KBTBD8: variants seen among roughly 807,000 people sequenced by gnomAD.
KBTBD8 encodes the protein kelch repeat and BTB domain-containing protein 8.
In KBTBD8, 31 loss-of-function variants were observed where a neutral mutation model predicts 53.5. The observed-to-expected ratio is 0.58, with a 90% confidence interval of 0.44 to 0.78. The LOEUF is 0.78. Ranked by LOEUF, KBTBD8 falls within the 30% of genes least tolerant of loss-of-function variation. KBTBD8 has a pLI of 0.00. For missense variants in KBTBD8, 642 were observed against 735.8 expected (o/e 0.87, Z 1.48); for synonymous variants, 250 against 247.3 (o/e 1.01, Z -0.10).
intron 3 of KBTBD8, among the ~76,000 whole-genome samples, chr3:67,006,713 G>A (rs542732566): frequency 3.0e-4 from 45 of 152,288 alleles, no homozygotes; most frequent in African/African-American, 1.0e-3. Flanking sequence ...CAGTTTTCAA[G>A]GGGAAGCTCA....
In KBTBD8 at chr3:67,008,424, C is replaced by A; in HGVS notation, c.*39C>A. On this transcript the variant is annotated 3_prime_UTR_variant, in exon 4 of 4. Transcript: ENST00000417314. ...CTTAGTGCATCACTGGCATCTCATTCTTAGGAAACTTGTCTTTGATACAAA... is the reference window on the plus strand; with the variant it reads ...CTTAGTGCATCACTGGCATCTCATTATTAGGAAACTTGTCTTTGATACAAA... The A allele has an allele frequency of 7.3e-7, 1 of 1,364,846 alleles. No homozygotes were observed. The highest frequency in any genetic ancestry group is 1.0e-6 in the Non-Finnish European group (1 of 985,232). The allele number at this position is 1,364,846 out of a possible 1,614,324, so 84.5% of individuals were successfully genotyped here. A position where few individuals can be genotyped will look rare whatever the true frequency, so the allele number is the denominator to read the frequency against.
rs545269658 is a variant in KBTBD8 at position 67,009,441 on chromosome 3, C to T, written c.*1056C>T. On this transcript the variant is annotated 3_prime_UTR_variant, in exon 4 of 4. Coordinates refer to ENST00000417314, the MANE Select transcript of KBTBD8 (RefSeq NM_032505.3). ...ACAGAGCATAATGTGAAGTTTTATA[C>T]CTACTTTTAAAATTCTGCTTTCCAG... 9.8e-5 allele frequency: 15 copies of T among 152,666 alleles called. No homozygotes were observed. Among genetic ancestry groups the T allele is most frequent in the African/African-American group, 3.6e-4 (15 of 41,556 alleles). The allele number at this position is 152,666 out of a possible 1,614,324, so 9.5% of individuals were successfully genotyped here. A position where few individuals can be genotyped will look rare whatever the true frequency, so the allele number is the denominator to read the frequency against.
Position 67,003,748 on chromosome 3 carries a change from A to G in KBTBD8, c.781A>G (p.Ile261Val), listed in dbSNP as rs1702038691. The change falls in exon 3 of 4, where the codon ATA becomes GTA. Residue 261 changes from isoleucine to valine, a missense_variant. Transcript: ENST00000417314. Reference protein sequence around the residue: ...EKIPPQFAQAIAKSCVEKGPS... With the variant: ...EKIPPQFAQAVAKSCVEKGPS... ...AATTCCACCTCAGTTTGCACAGGCTATAGCCAAAAGCTGTGTAGAAAAGGG... is the reference window on the plus strand; with the variant it reads ...AATTCCACCTCAGTTTGCACAGGCTGTAGCCAAAAGCTGTGTAGAAAAGGG... The G allele has an allele frequency of 3.1e-6, 5 of 1,614,068 alleles. No homozygotes were observed. The highest frequency in any genetic ancestry group is 1.7e-5 in the Admixed American group (1 of 60,010).
At position 67,008,280 on chromosome 3, in the gene KBTBD8, G is replaced by C; in HGVS notation, c.1701G>C (p.Gln567His). Residue 567 changes from glutamine (Q) to histidine (H), a missense_variant, in exon 4 of 4, where the codon CAG (glutamine) becomes CAC (histidine). Gln to His is a conservative substitution (Grantham distance 24). Coordinates refer to ENST00000417314, the MANE Select transcript of KBTBD8 (RefSeq NM_032505.3). ...SLYQYDDIAD[Q>H]WMKVYETPDR... ...ACCAATATGATGACATTGCTGACCA[G>C]TGGATGAAAGTGTATGAGACCCCAG... 1.2e-6 allele frequency: 2 copies of C among 1,613,860 alleles called. No individual in the cohort carries two copies. The highest frequency in any genetic ancestry group is 1.7e-6 in the Non-Finnish European group (2 of 1,180,020).
chr3:66,998,362 G>A lies in KBTBD8; in HGVS notation c.7G>A (p.Ala3Thr). The A allele has an allele frequency of 7.7e-7, 1 of 1,292,644 alleles. No individual in the cohort carries two copies. Among genetic ancestry groups the A allele is most frequent in the Non-Finnish European group, 9.9e-7 (1 of 1,011,378 alleles). 80.1% of individuals were successfully genotyped at this position (1,292,644 alleles called of 1,614,324 possible). A position where few individuals can be genotyped will look rare whatever the true frequency, so the allele number is the denominator to read the frequency against. The stretch of plus-strand genomic sequence containing the variant: ...GTCGGGGCCCCATCGAGAAATGGCC[G>A]CGTCGGCAGGTGGGTCGTGTGGTGG... MA[A>T]SADLSKSSPT... The change falls in exon 1 of 4, where the codon GCG (alanine) becomes ACG (threonine). Residue 3 changes from alanine (A) to threonine (T), a missense_variant. Ala to Thr is a moderately conservative substitution (Grantham distance 58). Coordinates refer to ENST00000417314, the MANE Select transcript of KBTBD8 (RefSeq NM_032505.3).
At chr3:66,999,342 T>G in intron 2 of KBTBD8, 151 bp downstream of exon 2, 1 of 701,762 alleles carries the variant, frequency 1.4e-6, no homozygotes, top group Non-Finnish European at 2.5e-6. Flanking sequence ...CTCTCTTAAC[T>G]AAGACCTTCT....
intron 2 of KBTBD8, among the ~76,000 whole-genome samples, 154 bp downstream of exon 2, chr3:66,999,345 G>C (rs1245448855): frequency 6.6e-6 from 1 of 152,062 alleles, no homozygotes; most frequent in African/African-American, 2.4e-5. Context: ...TCTTAACTAA[G>C]ACCTTCTTTT....
At position 67,003,210 on chromosome 3, in the gene KBTBD8, C is replaced by T. The variant is rs377167451; in HGVS notation, c.243C>T (p.Ser81=). 2.0e-5 allele frequency: 32 copies of T among 1,612,346 alleles called. No homozygotes were observed. The highest frequency in any genetic ancestry group is 3.3e-4 in the Middle Eastern group (2 of 6,078). The change falls in exon 3 of 4, where the codon AGC becomes AGT. Residue 81 remains serine (S), a synonymous_variant. Transcript: ENST00000417314. Reference sequence around the variant, plus strand: ...TCCTTCTTAGATCCATGTTCACTAGCGGCCTTACAGAAAGTACTCAAAAAG... The same window carrying T: ...TCCTTCTTAGATCCATGTTCACTAGTGGCCTTACAGAAAGTACTCAAAAAG... The part of the protein sequence containing the change: ...ISPYFRSMFT[S]GLTESTQKEV...
Position 66,998,817 on chromosome 3 carries a change from G to C in KBTBD8, c.17-164G>C, listed in dbSNP as rs114644902. 189 of 636,822 alleles carry C rather than the reference G, an allele frequency of 3.0e-4. 1 individual carries two copies. Among genetic ancestry groups the C allele is most frequent in the African/African-American group, 2.7e-3 (147 of 54,840 alleles). 39.4% of individuals were successfully genotyped at this position (636,822 alleles called of 1,614,324 possible). A position where few individuals can be genotyped will look rare whatever the true frequency, so the allele number is the denominator to read the frequency against. Reference sequence around the variant, plus strand: ...ATCGCGCTCCGCCCTCTGTCTCCCAGATCCTTAACTCGCGGTCCCACGAGG... The same window carrying C: ...ATCGCGCTCCGCCCTCTGTCTCCCACATCCTTAACTCGCGGTCCCACGAGG... On this transcript the variant is annotated intron_variant, in intron 1 of 3. Transcript: ENST00000417314.
chr3:67,003,782 A>T lies in KBTBD8; in HGVS notation c.815A>T (p.Asn272Ile). 1 of 1,614,238 alleles carries T rather than the reference A, an allele frequency of 6.2e-7. No individual in the cohort carries two copies. The highest frequency in any genetic ancestry group is 8.5e-7 in the Non-Finnish European group (1 of 1,180,040). Reference sequence around the variant, plus strand: ...AGCTGTGTAGAAAAGGGACCATCCAACACCAATGGCTGTACACAGAGGCTT... The same window carrying T: ...AGCTGTGTAGAAAAGGGACCATCCATCACCAATGGCTGTACACAGAGGCTT... ...AKSCVEKGPS[N>I]TNGCTQRLGM... The change falls in exon 3 of 4, where the codon AAC becomes ATC. Residue 272 changes from asparagine to isoleucine, a missense_variant. Coordinates refer to ENST00000417314, the MANE Select transcript of KBTBD8 (RefSeq NM_032505.3).
rs1206915551 is a variant in KBTBD8, at chr3:67,009,553, T to A, written c.*1168T>A. The A allele has an allele frequency of 6.6e-6, 1 of 152,562 alleles. No homozygotes were observed. Among genetic ancestry groups the A allele is most frequent in the East Asian group, 1.9e-4 (1 of 5,200 alleles). The allele number at this position is 152,562 out of a possible 1,614,324, so 9.5% of individuals were successfully genotyped here. A position where few individuals can be genotyped will look rare whatever the true frequency, so the allele number is the denominator to read the frequency against. On this transcript the variant is annotated 3_prime_UTR_variant, in exon 4 of 4. Transcript: ENST00000417314. ...TCATTTTTTTTTTCCATTTTTGCAC[T>A]TAACAGTGATGAATACTTTTACGTT...
chr3:66,998,364 G>A lies in KBTBD8; in HGVS notation c.9G>A (p.Ala3=). 1.5e-6 allele frequency: 2 copies of A among 1,292,738 alleles called. No individual in the cohort carries two copies. The highest frequency in any genetic ancestry group is 2.6e-5 in the South Asian group (1 of 38,236). The allele number at this position is 1,292,738 out of a possible 1,614,324, so 80.1% of individuals were successfully genotyped here. Residue 3 remains alanine (A), a synonymous_variant, in exon 1 of 4, where the codon GCG becomes GCA. Transcript: ENST00000417314. ...CGGGGCCCCATCGAGAAATGGCCGC[G>A]TCGGCAGGTGGGTCGTGTGGTGGCC... MA[A]SADLSKSSPT...
In KBTBD8 at chr3:67,008,983, A is replaced by G. The variant is rs770785047; in HGVS notation, c.*598A>G. On this transcript the variant is annotated 3_prime_UTR_variant, in exon 4 of 4. Coordinates refer to ENST00000417314, the MANE Select transcript of KBTBD8 (RefSeq NM_032505.3). ...TTTAGTCTGATTGTTTCCATTTCCC[A>G]TGTAATTTTAAGTTAAGCTAAAGTT... The G allele has an allele frequency of 1.3e-5, 2 of 152,614 alleles. No individual in the cohort carries two copies. The highest frequency in any genetic ancestry group is 2.4e-5 in the African/African-American group (1 of 41,440). 9.5% of individuals were successfully genotyped at this position (152,614 alleles called of 1,614,324 possible).
chr3:67,003,634 C>T lies in KBTBD8; in HGVS notation c.667C>T (p.His223Tyr), dbSNP rs764219868. 6.2e-7 allele frequency: 1 copy of T among 1,614,016 alleles called. No individual in the cohort carries two copies. Among genetic ancestry groups the T allele is most frequent in the Non-Finnish European group, 8.5e-7 (1 of 1,179,970 alleles). ...VYESIIRWFE[H>Y]EQNEREVHLP... ...TGAAAGCATTATAAGGTGGTTTGAG[C>T]ATGAACAGAATGAAAGAGAAGTGCA... The change falls in exon 3 of 4, where the codon CAT (histidine) becomes TAT (tyrosine). Residue 223 changes from histidine to tyrosine, a missense_variant. Coordinates refer to ENST00000417314, the MANE Select transcript of KBTBD8 (RefSeq NM_032505.3).
chr3:67,003,176 A>G lies in KBTBD8; in HGVS notation c.228-19A>G. On this transcript the variant is annotated intron_variant, in intron 2 of 3. Transcript: ENST00000417314. ...GATTTATAGCACACGTGTAATATTA[A>G]CCACTCTTTCCTTCTTAGATCCATG... 2 of 1,601,704 alleles carry G rather than the reference A, an allele frequency of 1.2e-6. No individual in the cohort carries two copies. The highest frequency in any genetic ancestry group is 1.7e-6 in the Non-Finnish European group (2 of 1,170,072).
chr3:67,003,449 A>AT lies in KBTBD8; in HGVS notation c.484dup (p.Tyr162LeufsTer16), dbSNP rs755089566. 6.2e-7 allele frequency: 1 copy of AT among 1,614,188 alleles called. No individual in the cohort carries two copies. The highest frequency in any genetic ancestry group is 8.5e-7 in the Non-Finnish European group (1 of 1,180,010). ...ATTGGGGTCTTTATCTTTGCTGATC[A>AT]TTATGGTCATCAGGAACTCGGAGAT... On this transcript the variant is annotated frameshift_variant, in exon 3 of 4. Transcript: ENST00000417314. LOFTEE classifies it high-confidence loss of function.
Position 67,009,030 on chromosome 3 carries a change from G to A in KBTBD8, c.*645G>A, listed in dbSNP as rs370334577. 7 of 152,642 alleles carry A rather than the reference G, an allele frequency of 4.6e-5. No individual in the cohort carries two copies. The highest frequency in any genetic ancestry group is 7.4e-5 in the Non-Finnish European group (5 of 68,024). The allele number at this position is 152,642 out of a possible 1,614,324, so 9.5% of individuals were successfully genotyped here. A position where few individuals can be genotyped will look rare whatever the true frequency, so the allele number is the denominator to read the frequency against. On this transcript the variant is annotated 3_prime_UTR_variant, in exon 4 of 4. Transcript: ENST00000417314. Reference sequence around the variant, plus strand: ...AGTTTTAAAGTGGCAGTTTTCTGTCGATGACTTTTTCAAGTGCTAACACTG... The same window carrying A: ...AGTTTTAAAGTGGCAGTTTTCTGTCAATGACTTTTTCAAGTGCTAACACTG...
In KBTBD8 at chr3:67,004,375, A is replaced by G. The variant is rs747516803; in HGVS notation, c.1342+66A>G. ...ACATCAAGTGGTGGTTTACTTAATT[A>G]TACTGAAACAGTTGTGTTCCCGTTA... On this transcript the variant is annotated intron_variant, in intron 3 of 3. Transcript: ENST00000417314. 3.5e-6 allele frequency: 5 copies of G among 1,444,492 alleles called. No individual in the cohort carries two copies. The South Asian group carries it at 3.8e-5, about 11-fold the overall frequency. 89.5% of individuals were successfully genotyped at this position (1,444,492 alleles called of 1,614,324 possible).
chr3:67,002,033 A>G (rs1474466497), intron 2 of KBTBD8, among the ~76,000 whole-genome samples: 1 of 152,180 alleles, frequency 6.6e-6, no homozygotes, highest in Admixed American at 6.5e-5. Context: ...AATCCCATAA[A>G]TGCAACAATA....
Sources: gnomAD v4.1 joint callset for allele counts (sites outside exome capture counted in the v4.1 genomes callset) on GRCh38, gnomAD v4.1.1 for gene constraint, MANE v1.5 for transcripts, NCBI Gene and HGNC (gene_info 2026-07-23, HGNC 2026-07-21) for gene names.